The following NUP210L variants were observed in gnomAD, a reference collection of about 807,000 sequenced individuals.
NUP210L encodes nucleoporin 210 like.
A neutral mutation model predicts 208.5 loss-of-function variants in NUP210L; 74 were observed. The observed-to-expected ratio is 0.35, with a 90% CI of 0.29 to 0.43. NUP210L has a LOEUF of 0.43. Among genes scored for constraint, NUP210L ranks in the 20% least tolerant of loss-of-function variants. The probability of loss-of-function intolerance (pLI) is 1.00; values close to 1 mark genes in which losing one functional copy is unlikely to be tolerated. For missense variants in NUP210L, 1,843 were observed against 2,289.4 expected, an observed-to-expected ratio of 0.81 and a Z score of 3.98; for synonymous variants, 780 against 816.9, an observed-to-expected ratio of 0.95 and a Z score of 0.77.
intron 27 of NUP210L, among the ~76,000 whole-genome samples, chr1:154,037,250 T>C (rs1428419139): frequency 6.6e-6 from 1 of 152,190 alleles, no homozygotes; most frequent in African/African-American, 2.4e-5. Flanking sequence ...TGATTTTCTG[T>C]CTGGATGACC....
intron 16 of NUP210L, among the ~76,000 whole-genome samples, chr1:154,081,193 T>A (rs968191429): frequency 5.3e-5 from 8 of 151,604 alleles, no homozygotes; most frequent in Non-Finnish European, 1.2e-4. Context: ...CTATATGTTG[T>A]CTGCAAGAGA....
In NUP210L at chr1:154,118,463, A is replaced by C. The variant is rs142226138; in HGVS notation, c.1464+208T>G. ...AGAACTTTATAAAACTCACAAGGAA[A>C]GGATATTGGGAAGAGAGACAGAAAG... On this transcript the variant is annotated intron_variant, in intron 11 of 39. Transcript: ENST00000368559. Among the ~76,000 whole-genome samples, 113 of 152,354 alleles carry C rather than the reference A, an allele frequency of 7.4e-4. 1 individual carries two copies. The highest frequency in any genetic ancestry group is 2.6e-3 in the African/African-American group (110 of 41,592).
At chr1:154,027,103 A>AAAAAAAC (rs1651935993) in intron 29 of NUP210L, among the ~76,000 whole-genome samples, 1 of 150,364 alleles carries the variant, frequency 6.7e-6, no homozygotes, top group African/African-American at 2.5e-5. Context: ...AAAACAAAAA[A>AAAAAAAC]AAAAAAACAA....
intron 38 of NUP210L, 124 bp downstream of exon 38, chr1:153,994,952 C>T (rs1247677491): frequency 8.7e-6 from 5 of 573,470 alleles, no homozygotes; most frequent in Non-Finnish European, 1.5e-5. Flanking sequence ...GCAGAGGTTG[C>T]TGTAAGCCAA....
In NUP210L at chr1:154,027,707, C is replaced by T. The variant is rs530572930; in HGVS notation, c.3856-110G>A. On this transcript the variant is annotated intron_variant, in intron 28 of 39. Transcript: ENST00000368559. The stretch of plus-strand genomic sequence containing the variant: ...GAGATTACATGCAAATAAATGACAA[C>T]TACGAATCAACAGTCTGCCTAACTT... 5.1e-4 allele frequency: 339 copies of T among 658,396 alleles called. 1 individual carries two copies. Among genetic ancestry groups the T allele is most frequent in the Non-Finnish European group, 4.3e-4 (164 of 384,494 alleles). The allele number at this position is 658,396 out of a possible 1,614,324, so 40.8% of individuals were successfully genotyped here. A position where few individuals can be genotyped will look rare whatever the true frequency, so the allele number is the denominator to read the frequency against.
At chr1:154,001,939 C>G in exon 36 of NUP210L, 1 of 1,614,054 alleles carries the variant, frequency 6.2e-7, no homozygotes, top group African/African-American at 1.3e-5. Context: ...GGGCCTGTAG[C>G]AGCTCCTCTG....
chr1:154,126,084 G>C (rs1187078416), intron 10 of NUP210L, among the ~76,000 whole-genome samples: 2 of 151,958 alleles, frequency 1.3e-5, no homozygotes, highest in African/African-American at 4.8e-5. Flanking sequence ...TGTTTTTAAT[G>C]AAACCTGAAA....
chr1:154,070,519 G>T (rs1303123547), intron 16 of NUP210L, 54 bp from the exon 17 acceptor site: 3 of 1,177,288 alleles, frequency 2.5e-6, no homozygotes, highest in East Asian at 2.7e-5. Flanking sequence ...ATAGCCTAAG[G>T]GGTAGTAAGA....
At chr1:154,153,152 G>A (rs1406771213) in intron 1 of NUP210L, among the ~76,000 whole-genome samples, 1 of 151,440 alleles carries the variant, frequency 6.6e-6, no homozygotes, top group Non-Finnish European at 1.5e-5. Flanking sequence ...TACGACTGAT[G>A]TGTTTCTAGT....
Position 154,013,006 on chromosome 1 carries a change from C to CAAAA in NUP210L, c.4654-640_4654-637dup, listed in dbSNP as rs149011212. ...GGGCAACAAGAGTGAAACTCTGAATCAAAAAAAAAAAAAAAAAACAAAGAC... is the reference window on the plus strand; with the variant it reads ...GGGCAACAAGAGTGAAACTCTGAATCAAAAAAAAAAAAAAAAAAAAAACAAAGAC... On this transcript the variant is annotated intron_variant, in intron 33 of 39. Coordinates refer to ENST00000368559, the Ensembl canonical transcript of NUP210L. Among the ~76,000 whole-genome samples, 442 of 72,520 alleles carry CAAAA rather than the reference C, an allele frequency of 6.1e-3. 13 individuals are homozygous for CAAAA. The highest frequency in any genetic ancestry group is 0.036 in the Admixed American group (177 of 4,852). 47.6% of individuals were successfully genotyped at this position (72,520 alleles called of 152,430 possible). A position where few individuals can be genotyped will look rare whatever the true frequency, so the allele number is the denominator to read the frequency against.
At chr1:153,993,840 G>C (rs1404066699) in intron 38 of NUP210L, among the ~76,000 whole-genome samples, 1 of 152,160 alleles carries the variant, frequency 6.6e-6, no homozygotes, top group East Asian at 1.9e-4. Context: ...GGAGGTTGCA[G>C]TGAGCCAAGA....
chr1:154,147,907 G>T lies in NUP210L; in HGVS notation c.341-4330C>A, dbSNP rs143229602. Among the ~76,000 whole-genome samples, 310 of 143,552 alleles carry T rather than the reference G, an allele frequency of 2.2e-3. 4 individuals are homozygous for T. The highest frequency in any genetic ancestry group is 7.6e-3 in the African/African-American group (295 of 39,036). 94.2% of individuals were successfully genotyped at this position (143,552 alleles called of 152,430 possible). A position where few individuals can be genotyped will look rare whatever the true frequency, so the allele number is the denominator to read the frequency against. On this transcript the variant is annotated intron_variant, in intron 2 of 39. Transcript: ENST00000368559. ...CCTGACCTCGTAATCCACCCGCCTC[G>T]GCCTCCCAAAGTGCTGGGATTACAG...
Position 154,061,683 on chromosome 1 carries a change from A to G in NUP210L, c.2555-9T>C. 1.3e-6 allele frequency: 2 copies of G among 1,498,600 alleles called. No homozygotes were observed. Among genetic ancestry groups the G allele is most frequent in the Middle Eastern group, 1.7e-4 (1 of 5,888 alleles). 92.8% of individuals were successfully genotyped at this position (1,498,600 alleles called of 1,614,324 possible). A position where few individuals can be genotyped will look rare whatever the true frequency, so the allele number is the denominator to read the frequency against. Reference sequence around the variant, plus strand: ...TTTAAGGATCTGATGACCTGGAAACATGCAGAAAAATACCCTGTGAGAAAC... The same window carrying G: ...TTTAAGGATCTGATGACCTGGAAACGTGCAGAAAAATACCCTGTGAGAAAC... On this transcript the variant is annotated splice_polypyrimidine_tract_variant and intron_variant, in intron 17 of 39. Coordinates refer to ENST00000368559, the Ensembl canonical transcript of NUP210L.
intron 16 of NUP210L, among the ~76,000 whole-genome samples, chr1:154,074,467 G>T: frequency 6.8e-6 from 1 of 147,800 alleles, no homozygotes. Context: ...TTGTAACCTT[G>T]AGCATCACTA....
chr1:154,115,982 G>T (rs756273753), intron 12 of NUP210L, among the ~76,000 whole-genome samples: 1 of 151,992 alleles, frequency 6.6e-6, no homozygotes, highest in Non-Finnish European at 1.5e-5. Flanking sequence ...TAGGCCGGGC[G>T]CGGTGACTCA....
chr1:154,127,041 G>A (rs997796933), intron 9 of NUP210L, among the ~76,000 whole-genome samples: 5 of 151,046 alleles, frequency 3.3e-5, no homozygotes, highest in African/African-American at 1.2e-4. Context: ...AGGAGTTGGA[G>A]GCTGCAGTGA....
At chr1:154,126,059 C>T (rs569155615) in intron 10 of NUP210L, among the ~76,000 whole-genome samples, 14 of 152,050 alleles carry the variant, frequency 9.2e-5, no homozygotes, top group East Asian at 3.9e-4. Flanking sequence ...TGAGCCACCG[C>T]GCCCGGCCAA....
exon 3 of NUP210L, chr1:154,143,538 A>C: frequency 6.2e-7 from 1 of 1,614,024 alleles, no homozygotes; most frequent in Non-Finnish European, 8.5e-7. Flanking sequence ...GCTGTTTATC[A>C]CATCAACCTT....
chr1:153,997,144 A>T (rs1476372687), intron 37 of NUP210L, among the ~76,000 whole-genome samples: 2 of 151,632 alleles, frequency 1.3e-5, no homozygotes, highest in Non-Finnish European at 2.9e-5. Flanking sequence ...TTGTATTTTT[A>T]GTAGAGATGG....
Sources: gnomAD v4.1 joint callset for allele counts (sites outside exome capture counted in the v4.1 genomes callset) on GRCh38, gnomAD v4.1.1 for gene constraint, MANE v1.5 for transcripts, NCBI Gene and HGNC (gene_info 2026-07-23, HGNC 2026-07-21) for gene names.